The following SEM1 variants were observed in gnomAD, a reference collection of about 807,000 sequenced individuals.
The protein encoded by SEM1 is SEM1 26S proteasome subunit.
Under a neutral mutation model 12.7 loss-of-function variants are expected in SEM1, and 3 were observed. The ratio of observed to expected loss-of-function variants is 0.24; its 90% CI spans 0.11 to 0.61. SEM1 has a LOEUF of 0.61. SEM1 is among the 20% of genes least tolerant of loss of function. SEM1 has a pLI of 0.88. For synonymous variants in SEM1, 30 were observed against 27.8 expected (o/e 1.08, Z -0.25); for missense variants, 59 against 81.3 (o/e 0.73, Z 1.06).
At chr7:96,659,922 A>C (rs1272062241) in intron 2 of SEM1, among the ~76,000 whole-genome samples, 4 of 147,784 alleles carry the variant, frequency 2.7e-5, no homozygotes, top group Non-Finnish European at 5.9e-5. Flanking sequence ...GCAAAAAAAA[A>C]AAAAAAAACA....
chr7:96,582,020 T>A (rs1329442089), intron 2 of SEM1, among the ~76,000 whole-genome samples: 10 of 144,258 alleles, frequency 6.9e-5, no homozygotes, highest in Non-Finnish European at 1.2e-4. Context: ...TGAATAGGAG[T>A]GGTGAGAGAG....
At chr7:96,549,367 C>T (rs1275587640) in intron 2 of SEM1, among the ~76,000 whole-genome samples, 1 of 152,124 alleles carries the variant, frequency 6.6e-6, no homozygotes, top group East Asian at 1.9e-4. Flanking sequence ...GGACTTGGGG[C>T]CTTTGACAGA....
intron 2 of SEM1, among the ~76,000 whole-genome samples, chr7:96,538,160 T>G (rs1358422703): frequency 6.6e-6 from 1 of 151,840 alleles, no homozygotes; most frequent in Non-Finnish European, 1.5e-5. Context: ...TATTAGACTT[T>G]CTGTCTCTCT....
chr7:96,521,048 A>G (rs548483573), intron 2 of SEM1, among the ~76,000 whole-genome samples: 25 of 152,252 alleles, frequency 1.6e-4, no homozygotes, highest in African/African-American at 5.3e-4. Flanking sequence ...CACAAAAAAA[A>G]GGGGACGGAC....
chr7:96,621,043 C>T (rs1468376083), downstream of SEM1, among the ~76,000 whole-genome samples: 2 of 152,120 alleles, frequency 1.3e-5, no homozygotes, highest in African/African-American at 4.8e-5. Context: ...TACATGAACA[C>T]ACTATGTATG....
At chr7:96,678,457 C>A (rs1187845098) in intron 2 of SEM1, among the ~76,000 whole-genome samples, 3 of 152,128 alleles carry the variant, frequency 2.0e-5, no homozygotes, top group African/African-American at 7.2e-5. Flanking sequence ...ACCTAACTTA[C>A]TTGGTAGTAT....
intron 3 of SEM1, among the ~76,000 whole-genome samples, chr7:96,505,402 C>T (rs1001249433): frequency 6.6e-6 from 1 of 152,022 alleles, no homozygotes; most frequent in South Asian, 2.1e-4. Flanking sequence ...CTGTGCCTGG[C>T]CTTATAAGGA....
At chr7:96,582,152 A>T (rs967413718) in intron 2 of SEM1, among the ~76,000 whole-genome samples, 1 of 151,352 alleles carries the variant, frequency 6.6e-6, no homozygotes, top group African/African-American at 2.4e-5. Context: ...TCCCATCAAT[A>T]CCTAATTTAT....
chr7:96,663,940 T>A (rs1789086525), intron 2 of SEM1, among the ~76,000 whole-genome samples: 1 of 152,192 alleles, frequency 6.6e-6, no homozygotes, highest in Non-Finnish European at 1.5e-5. Flanking sequence ...AACCAGTTCA[T>A]ACCCACAAGA....
chr7:96,576,372 CT>C (rs1806204735), intron 2 of SEM1, among the ~76,000 whole-genome samples: 1 of 152,066 alleles, frequency 6.6e-6, no homozygotes, highest in African/African-American at 2.4e-5. Flanking sequence ...TTACCCTTGA[CT>C]TTTATGTTTT....
At chr7:96,696,532 G>C (rs995310667) in intron 1 of SEM1, 3 of 151,840 alleles carry the variant, frequency 2.0e-5, no homozygotes, top group African/African-American at 4.8e-5. Flanking sequence ...TGAGGAATCT[G>C]AGAAATAACC....
chr7:96,538,278 C>T (rs1185658537), intron 2 of SEM1, among the ~76,000 whole-genome samples: 2 of 151,796 alleles, frequency 1.3e-5, no homozygotes, highest in African/African-American at 2.4e-5. Flanking sequence ...ATTCCCAACC[C>T]TAATTCCAAA....
At chr7:96,541,836 G>A (rs1241627995) in intron 2 of SEM1, among the ~76,000 whole-genome samples, 3 of 151,484 alleles carry the variant, frequency 2.0e-5, no homozygotes, top group African/African-American at 7.3e-5. Flanking sequence ...ATTGAGTAGT[G>A]AGTCCTTTCC....
At chr7:96,595,660 GA>G (rs540881893) in intron 2 of SEM1, among the ~76,000 whole-genome samples, 1 of 151,772 alleles carries the variant, frequency 6.6e-6, no homozygotes, top group Non-Finnish European at 1.5e-5. Flanking sequence ...TCGATTTTTA[GA>G]TTTTTTTTTT....
chr7:96,592,162 C>T (rs1806849658), intron 2 of SEM1, among the ~76,000 whole-genome samples: 1 of 151,902 alleles, frequency 6.6e-6, no homozygotes. Flanking sequence ...GATGGGATGA[C>T]TGGCTTACCT....
chr7:96,504,803 C>G (rs6465511), intron 3 of SEM1, among the ~76,000 whole-genome samples: 107,536 of 151,492 alleles, frequency 0.71, 38,499 homozygotes, highest in East Asian at 0.87. Flanking sequence ...GTTATGATTT[C>G]TTGGTATGTT....
chr7:96,606,784 C>T (rs1807392952), intron 2 of SEM1, among the ~76,000 whole-genome samples: 1 of 152,106 alleles, frequency 6.6e-6, no homozygotes, highest in South Asian at 2.1e-4. Context: ...CTTGTAGGCA[C>T]ATTTGTACCA....
At chr7:96,690,191 A>T (rs1789886716) in intron 2 of SEM1, among the ~76,000 whole-genome samples, 1 of 152,154 alleles carries the variant, frequency 6.6e-6, no homozygotes, top group African/African-American at 2.4e-5. Context: ...GTAATTTTAC[A>T]ACTTTCTTAA....
chr7:96,678,042 A>G (rs903892292), intron 2 of SEM1, among the ~76,000 whole-genome samples: 1 of 152,186 alleles, frequency 6.6e-6, no homozygotes, highest in African/African-American at 2.4e-5. Context: ...TGCTCAATAA[A>G]TATTTGTTGA....
Sources: gnomAD v4.1 joint callset for allele counts (sites outside exome capture counted in the v4.1 genomes callset) on GRCh38, gnomAD v4.1.1 for gene constraint, MANE v1.5 for transcripts, NCBI Gene and HGNC (gene_info 2026-07-23, HGNC 2026-07-21) for gene names.